Variants in PABPC4L observed in about 807,000 individuals in gnomAD.
PABPC4L encodes the protein poly(A) binding protein cytoplasmic 4 like.
For missense variants in PABPC4L, 452 were observed against 451.4 expected, an observed-to-expected ratio of 1.00 and a Z score of -0.01; for synonymous variants, 169 against 164.1, an observed-to-expected ratio of 1.03 and a Z score of -0.23.
the PABPC4L span, among the ~76,000 whole-genome samples, chr4:134,076,356 A>G: frequency 2.2e-4 from 33 of 152,160 alleles, no homozygotes; most frequent in Non-Finnish European, 4.1e-4. Flanking sequence ...AAGTGACAGC[A>G]TTTGATTTAT....
At chr4:134,027,102 T>A in the PABPC4L span, among the ~76,000 whole-genome samples, 2 of 152,198 alleles carry the variant, frequency 1.3e-5, no homozygotes, top group African/African-American at 4.8e-5. Context: ...ATTTATTTGA[T>A]GATTAGCCTT....
the PABPC4L span, among the ~76,000 whole-genome samples, chr4:134,069,229 C>A: frequency 6.6e-6 from 1 of 150,986 alleles, no homozygotes; most frequent in Non-Finnish European, 1.5e-5. Flanking sequence ...GGTAACATGC[C>A]CCTTCTCTCT....
At chr4:134,162,765 TG>T in the PABPC4L span, among the ~76,000 whole-genome samples, 7 of 152,218 alleles carry the variant, frequency 4.6e-5, no homozygotes, top group African/African-American at 1.7e-4. Flanking sequence ...TGAATGATTT[TG>T]GGGTTAACAA....
the PABPC4L span, among the ~76,000 whole-genome samples, chr4:133,977,718 T>C: frequency 3.3e-5 from 5 of 152,178 alleles, no homozygotes; most frequent in Admixed American, 3.3e-4. Context: ...CTGGTGTCAC[T>C]CTTAAAAATT....
At chr4:133,995,085 C>T in the PABPC4L span, among the ~76,000 whole-genome samples, 2 of 152,172 alleles carry the variant, frequency 1.3e-5, no homozygotes, top group African/African-American at 4.8e-5. Context: ...TGGCATTGCC[C>T]TAGTTTGGAG....
chr4:134,094,531 G>C, the PABPC4L span, among the ~76,000 whole-genome samples: 1 of 151,916 alleles, frequency 6.6e-6, no homozygotes, highest in South Asian at 2.1e-4. Flanking sequence ...TTTAAAATTA[G>C]TTTAATAACA....
At chr4:133,968,607 A>C in the PABPC4L span, among the ~76,000 whole-genome samples, 1 of 152,194 alleles carries the variant, frequency 6.6e-6, no homozygotes, top group Non-Finnish European at 1.5e-5. Context: ...AAAACAAAAA[A>C]TGGGCCACGT....
chr4:134,153,488 G>T, the PABPC4L span, among the ~76,000 whole-genome samples: 12 of 152,076 alleles, frequency 7.9e-5, no homozygotes, highest in South Asian at 2.5e-3. Flanking sequence ...GACAGTGAAA[G>T]ATTTTATTTT....
the PABPC4L span, among the ~76,000 whole-genome samples, chr4:134,029,856 A>G: frequency 6.6e-6 from 1 of 151,848 alleles, no homozygotes; most frequent in Non-Finnish European, 1.5e-5. Context: ...ATCCCCACAT[A>G]TTGTGGGAGA....
chr4:134,058,636 C>G, the PABPC4L span, among the ~76,000 whole-genome samples: 2 of 151,984 alleles, frequency 1.3e-5, no homozygotes, highest in Non-Finnish European at 2.9e-5. Flanking sequence ...ATTCATTCCT[C>G]TAGATGTTTA....
the PABPC4L span, among the ~76,000 whole-genome samples, chr4:134,098,313 A>C: frequency 1.2e-3 from 189 of 151,906 alleles, no homozygotes; most frequent in African/African-American, 4.4e-3. Flanking sequence ...CAGATTTACA[A>C]AAAATATGAT....
At chr4:133,963,429 G>T in the PABPC4L span, among the ~76,000 whole-genome samples, 1 of 151,980 alleles carries the variant, frequency 6.6e-6, no homozygotes, top group Non-Finnish European at 1.5e-5. Context: ...CAGTAGACAG[G>T]TCATCAAGAC....
At chr4:134,185,154 T>C in the PABPC4L span, among the ~76,000 whole-genome samples, 1 of 152,056 alleles carries the variant, frequency 6.6e-6, no homozygotes, top group Non-Finnish European at 1.5e-5. Context: ...TTTTTCAATA[T>C]ATTCCAGCTT....
At chr4:134,089,013 T>C in the PABPC4L span, among the ~76,000 whole-genome samples, 2 of 152,072 alleles carry the variant, frequency 1.3e-5, no homozygotes, top group African/African-American at 4.8e-5. Context: ...TAGCAATTTT[T>C]TGTCTATCTT....
the PABPC4L span, among the ~76,000 whole-genome samples, chr4:134,097,738 T>TA: frequency 2.6e-5 from 4 of 151,916 alleles, no homozygotes; most frequent in Non-Finnish European, 4.4e-5. Context: ...ACTTACATTC[T>TA]AAAAGTTTTT....
the PABPC4L span, among the ~76,000 whole-genome samples, chr4:134,188,898 T>C: frequency 6.6e-6 from 1 of 152,144 alleles, no homozygotes; most frequent in East Asian, 1.9e-4. Context: ...TTTGTTTCAT[T>C]CTCTCTTTCT....
At chr4:134,086,959 C>T in the PABPC4L span, among the ~76,000 whole-genome samples, 4 of 151,212 alleles carry the variant, frequency 2.6e-5, no homozygotes, top group Non-Finnish European at 4.4e-5. Flanking sequence ...CCCTTCCCCC[C>T]ACCCCACAAC....
At chr4:134,026,094 TTGTC>T in the PABPC4L span, among the ~76,000 whole-genome samples, 1 of 152,156 alleles carries the variant, frequency 6.6e-6, no homozygotes. Flanking sequence ...TTTGTTTTGA[TTGTC>T]TGTCACCCTG....
At chr4:133,981,306 C>T in the PABPC4L span, among the ~76,000 whole-genome samples, 1 of 152,044 alleles carries the variant, frequency 6.6e-6, no homozygotes, top group African/African-American at 2.4e-5. Context: ...GCACTAATAC[C>T]TTTGGATCAG....
Sources: gnomAD v4.1 joint callset for allele counts (sites outside exome capture counted in the v4.1 genomes callset) on GRCh38, gnomAD v4.1.1 for gene constraint, MANE v1.5 for transcripts, NCBI Gene and HGNC (gene_info 2026-07-23, HGNC 2026-07-21) for gene names.